PCDHGB2: variants seen among roughly 807,000 people sequenced by gnomAD.
PCDHGB2 encodes the protein protocadherin gamma-B2.
Under a neutral mutation model 59.3 loss-of-function variants are expected in PCDHGB2, and 55 were observed. That is an observed-to-expected ratio of 0.93 (90% CI 0.75 to 1.16). The LOEUF (loss-of-function observed/expected upper bound fraction) is 1.16. Ranked by LOEUF, PCDHGB2 falls within the 50% of genes most tolerant of loss-of-function variation. PCDHGB2 has a pLI of 0.00. For missense variants in PCDHGB2, 1,228 were observed against 1,198.5 expected, an observed-to-expected ratio of 1.02 and a Z score of -0.36; for synonymous variants, 516 against 512.0, an observed-to-expected ratio of 1.01 and a Z score of -0.11.
chr5:141,370,920 C>G, intron 1 of PCDHGB2: 4 of 1,613,994 alleles, frequency 2.5e-6, no homozygotes, highest in South Asian at 1.1e-5. Context: ...CAGCCCTGAT[C>G]CGCACTTCTC....
intron 1 of PCDHGB2, among the ~76,000 whole-genome samples, chr5:141,437,411 T>C (rs1014219268): frequency 1.1e-4 from 17 of 152,222 alleles, no homozygotes; most frequent in African/African-American, 4.1e-4. Flanking sequence ...TCCAGAAGTA[T>C]TATGCTTTTT....
chr5:141,427,854 TGC>T (rs2097079964), intron 1 of PCDHGB2: 1 of 1,553,594 alleles, frequency 6.4e-7, no homozygotes, highest in Non-Finnish European at 8.8e-7. Context: ...CGAGCAGCTG[TGC>T]GCCTTCGAGC....
At chr5:141,382,364 T>A (rs919179170) in intron 1 of PCDHGB2, among the ~76,000 whole-genome samples, 6 of 152,264 alleles carry the variant, frequency 3.9e-5, no homozygotes, top group African/African-American at 1.4e-4. Flanking sequence ...AAATAAAATT[T>A]ACCTTTTTGC....
chr5:141,454,076 T>A (rs190918056), intron 1 of PCDHGB2, among the ~76,000 whole-genome samples: 2 of 152,352 alleles, frequency 1.3e-5, no homozygotes, highest in East Asian at 3.8e-4. Flanking sequence ...TGATAATGTT[T>A]TCAGTGAAAT....
rs769153122 is a variant in PCDHGB2 at position 141,485,243 on chromosome 5, C to T, written c.2422-9564C>T. 8 of 1,614,062 alleles carry T rather than the reference C, an allele frequency of 5.0e-6. No homozygotes were observed. In the Admixed American group the frequency reaches 1.2e-4, roughly 24 times the overall value. ...TACCCTTTTGTTCCTCTTTTACCACCTGGGTTACGTTTGTGGGCAGATCCG... is the reference window on the plus strand; with the variant it reads ...TACCCTTTTGTTCCTCTTTTACCACTTGGGTTACGTTTGTGGGCAGATCCG... On this transcript the variant is annotated intron_variant, in intron 1 of 3. Transcript: ENST00000522605. The surrounding 1 kb of genome is among the most constrained non-coding windows in gnomAD (Gnocchi z 5.7).
intron 1 of PCDHGB2, among the ~76,000 whole-genome samples, chr5:141,446,325 T>G (rs1440954528): frequency 3.9e-5 from 6 of 152,124 alleles, no homozygotes; most frequent in African/African-American, 1.4e-4. Flanking sequence ...GTTTCCACAT[T>G]AAGGAACTGG....
intron 1 of PCDHGB2, among the ~76,000 whole-genome samples, chr5:141,455,860 A>T (rs1032468147): frequency 1.4e-5 from 2 of 139,848 alleles, no homozygotes; most frequent in South Asian, 2.3e-4. Context: ...AATTTCTTTT[A>T]TTATTTATTT....
intron 1 of PCDHGB2, chr5:141,366,538 C>T (rs1369448812): frequency 2.5e-6 from 4 of 1,614,268 alleles, no homozygotes; most frequent in Admixed American, 1.7e-5. Flanking sequence ...CGGGTGTGCC[C>T]GCCTCGCACT....
intron 1 of PCDHGB2, chr5:141,424,527 A>G (rs1164206187): frequency 1.3e-5 from 2 of 152,214 alleles, no homozygotes; most frequent in African/African-American, 2.4e-5. Flanking sequence ...GTAAATCCAT[A>G]TATAGAAATA....
chr5:141,414,421 A>AGGGAACAG (rs1486483287), intron 1 of PCDHGB2: 1 of 1,613,776 alleles, frequency 6.2e-7, no homozygotes, highest in Non-Finnish European at 8.5e-7. Context: ...AGCCCTTGAC[A>AGGGAACAG]GGGAACAGGT....
Position 141,431,325 on chromosome 5 carries a change from G to GT in PCDHGB2, c.2422-63481dup, listed in dbSNP as rs1340996903. On this transcript the variant is annotated intron_variant, in intron 1 of 3. Transcript: ENST00000522605. This position sits in a 1 kb window ranked among gnomAD's most constrained non-coding sequence, Gnocchi z 4.8. ...ATCGTGCAAAATGGAGCCGACGGTA[G>GT]TAAGTACCCCGAATTGGTGCTGAAA... 22 of 1,614,028 alleles carry GT rather than the reference G, an allele frequency of 1.4e-5. No homozygotes were observed. In the Admixed American group the frequency reaches 2.5e-4, roughly 18 times the overall value.
chr5:141,479,752 T>C (rs770200359), intron 1 of PCDHGB2: 4 of 152,236 alleles, frequency 2.6e-5, no homozygotes, highest in Non-Finnish European at 4.4e-5. Context: ...ATGTGAAAGG[T>C]AGATAAATTC....
At chr5:141,501,318 C>T (rs1273608837) in intron 2 of PCDHGB2, among the ~76,000 whole-genome samples, 1 of 151,766 alleles carries the variant, frequency 6.6e-6, no homozygotes, top group African/African-American at 2.4e-5. Flanking sequence ...CACACACACA[C>T]ACACACACAC....
chr5:141,401,295 TCA>T (rs2094138879), intron 1 of PCDHGB2, among the ~76,000 whole-genome samples: 2 of 151,856 alleles, frequency 1.3e-5, no homozygotes, highest in Non-Finnish European at 2.9e-5. Flanking sequence ...TGAGCCGAGA[TCA>T]CTCCATTGCA....
At position 141,432,587 on chromosome 5, in the gene PCDHGB2, A is replaced by G. The variant is rs1344597432; in HGVS notation, c.2422-62220A>G. 5 of 1,613,132 alleles carry G rather than the reference A, an allele frequency of 3.1e-6. No homozygotes were observed. In the East Asian group the frequency reaches 8.9e-5, roughly 29 times the overall value. ...CGCCTGGCTGTCCTACCGTCTGCTC[A>G]AGGCCAGCGAGCCGGGACTCTTCTC... On this transcript the variant is annotated intron_variant, in intron 1 of 3. Transcript: ENST00000522605. This position sits in a 1 kb window ranked among gnomAD's most constrained non-coding sequence, Gnocchi z 6.0.
At chr5:141,469,833 TTA>T (rs1343669772) in intron 1 of PCDHGB2, among the ~76,000 whole-genome samples, 2 of 152,054 alleles carry the variant, frequency 1.3e-5, no homozygotes, top group Non-Finnish European at 2.9e-5. Flanking sequence ...CACATAAAAC[TTA>T]TTCTTAAGAT....
At chr5:141,470,037 G>C (rs76537989) in intron 1 of PCDHGB2, among the ~76,000 whole-genome samples, 14 of 152,138 alleles carry the variant, frequency 9.2e-5, no homozygotes, top group Non-Finnish European at 1.5e-4. Flanking sequence ...GCTGAGGCGC[G>C]AGAACTGTTT....
rs186028114 is a variant in PCDHGB2, at chr5:141,387,416, T to C, written c.2421+24860T>C. ...ATGTTTGAAGATTGGGGAAAGCTTA[T>C]GTCAATAAATGTTTATGTACTTAAT... On this transcript the variant is annotated intron_variant, in intron 1 of 3. Coordinates refer to ENST00000522605, the MANE Select transcript of PCDHGB2 (RefSeq NM_018923.3). 6.8e-4 allele frequency among the ~76,000 whole-genome samples: 103 copies of C among 152,364 alleles called. 1 individual carries two copies. The highest frequency in any genetic ancestry group is 3.4e-3 in the Middle Eastern group (1 of 294).
chr5:141,375,643 CGACTAT>C, intron 1 of PCDHGB2: 1 of 1,614,210 alleles, frequency 6.2e-7, no homozygotes, highest in Non-Finnish European at 8.5e-7. Context: ...TGCGCTCCTT[CGACTAT>C]GAGCAGTTGA....
Sources: allele counts gnomAD v4.1 joint callset (sites outside exome capture counted in the v4.1 genomes callset), GRCh38; gene constraint gnomAD v4.1.1; non-coding constraint Gnocchi (gnomAD v3.1); transcripts MANE v1.5; gene names NCBI Gene and HGNC (gene_info 2026-07-23, HGNC 2026-07-21).